Variants in MYO16 observed in about 807,000 individuals in gnomAD.
The protein encoded by MYO16 is unconventional myosin-XVI.
A neutral mutation model predicts 205.3 loss-of-function variants in MYO16; 94 were observed. That is an observed-to-expected ratio of 0.46 (90% CI 0.39 to 0.54). MYO16 has a LOEUF of 0.54. Ranked by LOEUF, MYO16 falls within the 20% of genes least tolerant of loss-of-function variation. MYO16 has a pLI of 0.00. For missense variants in MYO16, 2,315 were observed against 2,387.5 expected (o/e 0.97, Z 0.63); for synonymous variants, 988 against 954.0 (o/e 1.04, Z -0.66).
intron 23 of MYO16, among the ~76,000 whole-genome samples, chr13:109,028,997 T>C (rs1886458649): frequency 6.6e-6 from 1 of 152,132 alleles, no homozygotes; most frequent in Non-Finnish European, 1.5e-5. Context: ...ATTTATGCTG[T>C]TATGCAGGTC....
chr13:108,549,395 G>C, the MYO16 span, among the ~76,000 whole-genome samples: 3 of 147,256 alleles, frequency 2.0e-5, no homozygotes, highest in Admixed American at 2.1e-4. Context: ...AAGGAGCACA[G>C]TGCTGCTGAC....
intron 4 of MYO16, among the ~76,000 whole-genome samples, chr13:108,780,451 G>A (rs1391613213): frequency 6.6e-6 from 1 of 151,084 alleles, no homozygotes. Context: ...GAAAAGGGAA[G>A]AAGAAAAAGA....
chr13:109,045,200 A>G (rs1173504168), intron 23 of MYO16, among the ~76,000 whole-genome samples: 1 of 152,156 alleles, frequency 6.6e-6, no homozygotes, highest in East Asian at 1.9e-4. Flanking sequence ...CTCTAGATGG[A>G]GGTTTCTTGA....
intron 32 of MYO16, among the ~76,000 whole-genome samples, chr13:109,142,870 C>T (rs1007242424): frequency 1.3e-5 from 2 of 152,140 alleles, no homozygotes; most frequent in Non-Finnish European, 1.5e-5. Flanking sequence ...GTGGAGTGTA[C>T]TTTTGTTGTC....
chr13:108,714,259 G>T (rs1367488872), intron 3 of MYO16, among the ~76,000 whole-genome samples: 1 of 152,150 alleles, frequency 6.6e-6, no homozygotes, highest in African/African-American at 2.4e-5. Context: ...GTTTCACCAT[G>T]TTCGCTAGGA....
chr13:108,734,920 C>T (rs1232087604), intron 4 of MYO16, among the ~76,000 whole-genome samples: 1 of 152,124 alleles, frequency 6.6e-6, no homozygotes, highest in Non-Finnish European at 1.5e-5. Flanking sequence ...AGTTTCTAGC[C>T]TCCTAGAAAG....
rs370383199 is a variant in MYO16 at position 109,077,468 on chromosome 13, G to A, written c.3335+21873G>A. 5.3e-5 allele frequency among the ~76,000 whole-genome samples: 8 copies of A among 152,248 alleles called. No homozygotes were observed. In the South Asian group the frequency reaches 1.7e-3, roughly 32 times the overall value. On this transcript the variant is annotated intron_variant, in intron 27 of 34. Coordinates refer to ENST00000457511, the MANE Select transcript of MYO16 (RefSeq NM_001198950.3). Reference sequence around the variant, plus strand: ...CCAGAGGGTTAGGTTTACTATAATTGACGAATTTGCATTGACACATTATTA... The same window carrying A: ...CCAGAGGGTTAGGTTTACTATAATTAACGAATTTGCATTGACACATTATTA...
intron 34 of MYO16, among the ~76,000 whole-genome samples, chr13:109,188,417 A>G (rs575573338): frequency 2.8e-4 from 42 of 152,318 alleles, no homozygotes; most frequent in African/African-American, 9.6e-4. Flanking sequence ...TCTGTAGGCA[A>G]CATAACAGAT....
At chr13:108,946,313 A>T (rs943473076) in intron 16 of MYO16, among the ~76,000 whole-genome samples, 1 of 151,692 alleles carries the variant, frequency 6.6e-6, no homozygotes, top group African/African-American at 2.4e-5. Flanking sequence ...TTTGACTTTT[A>T]TGGCATAAAT....
chr13:108,751,597 G>C (rs1885239999), intron 4 of MYO16, among the ~76,000 whole-genome samples: 1 of 152,110 alleles, frequency 6.6e-6, no homozygotes, highest in Non-Finnish European at 1.5e-5. Flanking sequence ...AGAGTTTACA[G>C]TATGGAACGG....
chr13:108,573,020 AG>A, the MYO16 span, among the ~76,000 whole-genome samples: 3 of 152,358 alleles, frequency 2.0e-5, no homozygotes, highest in African/African-American at 7.2e-5. Context: ...CACTCTTCCC[AG>A]GATGAGACAC....
At chr13:108,921,098 C>T (rs553607735) in intron 16 of MYO16, among the ~76,000 whole-genome samples, 9 of 152,342 alleles carry the variant, frequency 5.9e-5, no homozygotes, top group East Asian at 1.9e-4. Flanking sequence ...GGACCAAGCC[C>T]GTCTGCCTCA....
chr13:109,054,902 CCTT>C (rs1460029663), intron 25 of MYO16, 141 bp from the exon 26 acceptor site: 17 of 531,810 alleles, frequency 3.2e-5, no homozygotes, highest in East Asian at 2.1e-4. Flanking sequence ...CTTTCTTCCT[CCTT>C]CTTTTCTTCT....
chr13:108,780,265 A>AT (rs1056666214), intron 4 of MYO16, among the ~76,000 whole-genome samples: 6 of 152,010 alleles, frequency 3.9e-5, no homozygotes, highest in African/African-American at 4.8e-5. Context: ...AAAGCAAGGC[A>AT]TTTTTTTCAA....
chr13:108,541,408 T>G, the MYO16 span, among the ~76,000 whole-genome samples: 1 of 151,146 alleles, frequency 6.6e-6, no homozygotes, highest in Non-Finnish European at 1.5e-5. Flanking sequence ...TTGTATTTTA[T>G]AAATATTAAA....
chr13:108,712,523 G>T (rs368040247), intron 2 of MYO16, 138 bp from the exon 3 acceptor site: 2 of 732,688 alleles, frequency 2.7e-6, no homozygotes, highest in Admixed American at 2.0e-5. Flanking sequence ...TAATAAATAG[G>T]GTCAGATGGC....
intron 4 of MYO16, among the ~76,000 whole-genome samples, chr13:108,774,144 T>C: frequency 6.6e-6 from 1 of 152,258 alleles, no homozygotes; most frequent in South Asian, 2.1e-4. Context: ...TGAGTATTAA[T>C]GTGTTAGAGA....
chr13:108,729,775 A>T (rs1884462757), intron 4 of MYO16, among the ~76,000 whole-genome samples: 1 of 150,898 alleles, frequency 6.6e-6, no homozygotes, highest in Non-Finnish European at 1.5e-5. Context: ...ACTGCCAGCC[A>T]GGATTCCCTT....
intron 16 of MYO16, among the ~76,000 whole-genome samples, chr13:108,928,153 T>C (rs1882093255): frequency 1.3e-5 from 2 of 152,118 alleles, no homozygotes; most frequent in Admixed American, 1.3e-4. Context: ...GGGAGCAGCT[T>C]CCATGAAAGA....
Sources: allele counts gnomAD v4.1 joint callset (sites outside exome capture counted in the v4.1 genomes callset), GRCh38; gene constraint gnomAD v4.1.1; transcripts MANE v1.5; gene names NCBI Gene and HGNC (gene_info 2026-07-23, HGNC 2026-07-21).